CNMD: variants seen among roughly 807,000 people sequenced by gnomAD.
The protein encoded by CNMD is leukocyte cell-derived chemotaxin 1.
In CNMD, 30 loss-of-function variants were observed where a neutral mutation model predicts 37.5. The ratio of observed to expected loss-of-function variants is 0.80; its 90% CI spans 0.60 to 1.09. CNMD has a LOEUF of 1.09. CNMD is among the 50% of genes least tolerant of loss of function. The probability of loss-of-function intolerance (pLI) is 0.00; values close to 1 mark genes in which losing one functional copy is unlikely to be tolerated. For missense variants in CNMD, 398 were observed against 423.9 expected, an observed-to-expected ratio of 0.94 and a Z score of 0.54; for synonymous variants, 167 against 148.2, an observed-to-expected ratio of 1.13 and a Z score of -0.92.
At chr13:52,718,970 T>C (rs1385916779) in intron 4 of CNMD, among the ~76,000 whole-genome samples, 2 of 152,188 alleles carry the variant, frequency 1.3e-5, no homozygotes, top group East Asian at 3.9e-4. Context: ...TAAGTCTCTT[T>C]GTAGGTCTCT....
rs764889207 is a variant in CNMD, at chr13:52,739,050, C to T, written c.194G>A (p.Trp65Ter). ...ACTTACGTGACTGTCGCTCCCCTTCCAGAAGTAGAAGGCCCCGATGGCCCC... is the reference window on the plus strand; with the variant it reads ...ACTTACGTGACTGTCGCTCCCCTTCTAGAAGTAGAAGGCCCCGATGGCCCC... ...LFGAIGAFYF[W>*]KGSDSHIYNV... Residue 65 changes from tryptophan (W) to a stop codon, truncating the protein, a stop_gained, in exon 2 of 7, where the codon TGG becomes TAG. Coordinates refer to ENST00000377962, the MANE Select transcript of CNMD (RefSeq NM_007015.3). LOFTEE classifies it high-confidence loss of function. This position sits in a 1 kb window ranked among gnomAD's most constrained non-coding sequence, Gnocchi z 5.4. The T allele has an allele frequency of 6.3e-7, 1 of 1,580,544 alleles. No homozygotes were observed. Among genetic ancestry groups the T allele is most frequent in the Non-Finnish European group, 8.6e-7 (1 of 1,166,582 alleles).
rs1355338395 is a variant in CNMD at position 52,733,281 on chromosome 13, A to G, written c.292T>C (p.Leu98=). 6.2e-7 allele frequency: 1 copy of G among 1,613,986 alleles called. No individual in the cohort carries two copies. Among genetic ancestry groups the G allele is most frequent in the Admixed American group, 1.7e-5 (1 of 60,016 alleles). The change falls in exon 3 of 7, where the codon TTG becomes CTG. Residue 98 remains leucine, a synonymous_variant. Coordinates refer to ENST00000377962, the MANE Select transcript of CNMD (RefSeq NM_007015.3). ...GSMEIDAGNN[L]ETFKMGSGAE... is the part of the protein sequence containing the mutation. Reference sequence around the variant, plus strand: ...CCACTTCCCATTTTAAAGGTCTCCAAGTTGTTCCCAGCGTCTATTTCCATT... The same window carrying G: ...CCACTTCCCATTTTAAAGGTCTCCAGGTTGTTCCCAGCGTCTATTTCCATT...
At position 52,724,050 on chromosome 13, in the gene CNMD, CCTTCACTTGCG is replaced by C. The variant is rs1430316178; in HGVS notation, c.404_414del (p.Ala135GlyfsTer5). ...ACGGCGCCCACCTCAGGAATACGAG[CCTTCACTTGCG>C]CTTTAATGTAGCACTTCTCTCCTCC... On this transcript the variant is annotated frameshift_variant, in exon 4 of 7. Transcript: ENST00000377962. LOFTEE classifies it high-confidence loss of function. 1 of 1,614,102 alleles carries C rather than the reference CCTTCACTTGCG, an allele frequency of 6.2e-7. No homozygotes were observed. Among genetic ancestry groups the C allele is most frequent in the East Asian group, 2.2e-5 (1 of 44,876 alleles).
chr13:52,738,930 C>T lies in CNMD; in HGVS notation c.213+101G>A, dbSNP rs533492747. On this transcript the variant is annotated intron_variant, in intron 2 of 6. Transcript: ENST00000377962. The stretch of plus-strand genomic sequence containing the variant: ...GGGAGCTCACGCTGGGCCCGAGGGG[C>T]CCGCCGGCAGCCGCGCGCCCCTCGC... The T allele has an allele frequency of 3.4e-6, 4 of 1,181,144 alleles. No individual in the cohort carries two copies. In the East Asian group the frequency reaches 1.3e-4, roughly 39 times the overall value. The allele number at this position is 1,181,144 out of a possible 1,614,324, so 73.2% of individuals were successfully genotyped here.
At chr13:52,734,275 C>T (rs1014038659) in intron 2 of CNMD, among the ~76,000 whole-genome samples, 1 of 152,156 alleles carries the variant, frequency 6.6e-6, no homozygotes, top group Non-Finnish European at 1.5e-5. Context: ...CCGGGCATGG[C>T]CTAGAGGTGA....
At chr13:52,733,165 A>G in intron 3 of CNMD, 54 bp downstream of exon 3, 16 of 1,596,974 alleles carry the variant, frequency 1.0e-5, no homozygotes, top group Non-Finnish European at 1.4e-5. Flanking sequence ...TTGAATTAGA[A>G]AAGTCCCGCA....
At chr13:52,730,900 G>A (rs1012025035) in intron 3 of CNMD, among the ~76,000 whole-genome samples, 3 of 152,114 alleles carry the variant, frequency 2.0e-5, no homozygotes, top group East Asian at 1.9e-4. Flanking sequence ...AAATCTTGGT[G>A]GGGTCCTGGA....
At position 52,739,768 on chromosome 13, in the gene CNMD, C is replaced by G; in HGVS notation, c.-67G>C. The G allele has an allele frequency of 7.1e-7, 1 of 1,409,716 alleles. No homozygotes were observed. The highest frequency in any genetic ancestry group is 1.7e-5 in the Admixed American group (1 of 58,018). The allele number at this position is 1,409,716 out of a possible 1,614,324, so 87.3% of individuals were successfully genotyped here. On this transcript the variant is annotated 5_prime_UTR_variant, in exon 1 of 7. Coordinates refer to ENST00000377962, the MANE Select transcript of CNMD (RefSeq NM_007015.3). The surrounding 1 kb of genome is among the most constrained non-coding windows in gnomAD (Gnocchi z 5.4). Reference sequence around the variant, plus strand: ...CACCCTGGGATCTGTCCCGCTGCCCCGACGTGCAGGGCATTTCAACGCCGC... The same window carrying G: ...CACCCTGGGATCTGTCCCGCTGCCCGGACGTGCAGGGCATTTCAACGCCGC...
intron 3 of CNMD, among the ~76,000 whole-genome samples, chr13:52,726,756 A>G (rs1317185154): frequency 6.6e-6 from 1 of 152,190 alleles, no homozygotes; most frequent in Non-Finnish European, 1.5e-5. Flanking sequence ...AATCAAAAAC[A>G]AATTTATGAA....
chr13:52,707,487 C>T (rs541443980), intron 6 of CNMD, among the ~76,000 whole-genome samples: 1 of 151,998 alleles, frequency 6.6e-6, no homozygotes, highest in Admixed American at 6.6e-5. Flanking sequence ...GTGGCTCTAT[C>T]CTCTAACTGG....
chr13:52,704,158 A>C (rs986858749), intron 6 of CNMD, among the ~76,000 whole-genome samples: 16 of 152,226 alleles, frequency 1.1e-4, no homozygotes, highest in African/African-American at 3.9e-4. Flanking sequence ...CATTATGATA[A>C]AAAGTAGCAT....
intron 2 of CNMD, among the ~76,000 whole-genome samples, chr13:52,734,511 T>C (rs1431549506): frequency 6.6e-6 from 1 of 152,186 alleles, no homozygotes; most frequent in African/African-American, 2.4e-5. Flanking sequence ...ACGCTGCTCC[T>C]GCTCAGTGTG....
At chr13:52,725,239 A>G (rs2138257096) in intron 3 of CNMD, among the ~76,000 whole-genome samples, 1 of 152,300 alleles carries the variant, frequency 6.6e-6, no homozygotes, top group Non-Finnish European at 1.5e-5. Context: ...AAGCTTCTTG[A>G]GATCAGTATT....
chr13:52,704,381 C>T (rs896029440), intron 6 of CNMD, among the ~76,000 whole-genome samples: 2 of 152,152 alleles, frequency 1.3e-5, no homozygotes, highest in African/African-American at 4.8e-5. Flanking sequence ...TCTATAGGGA[C>T]AAAGGGGTCT....
At chr13:52,713,636 C>A (rs547445905) in intron 4 of CNMD, among the ~76,000 whole-genome samples, 3 of 152,212 alleles carry the variant, frequency 2.0e-5, no homozygotes, top group Non-Finnish European at 2.9e-5. Flanking sequence ...TGCATTAAAA[C>A]AACTTAAAGT....
intron 6 of CNMD, among the ~76,000 whole-genome samples, chr13:52,706,527 C>A (rs979237521): frequency 6.6e-6 from 1 of 152,126 alleles, no homozygotes; most frequent in Non-Finnish European, 1.5e-5. Context: ...TATCCTGTAA[C>A]AGTATTTGCA....
chr13:52,724,822 G>A (rs1460053921), intron 3 of CNMD, among the ~76,000 whole-genome samples: 3 of 152,150 alleles, frequency 2.0e-5, no homozygotes, highest in South Asian at 4.2e-4. Context: ...GCTTGAACCC[G>A]GGAGGTGGAG....
chr13:52,703,788 G>A lies in CNMD; in HGVS notation c.812C>T (p.Thr271Ile). 3.1e-6 allele frequency: 5 copies of A among 1,611,108 alleles called. No individual in the cohort carries two copies. The highest frequency in any genetic ancestry group is 4.2e-6 in the Non-Finnish European group (5 of 1,177,404). The change falls in exon 7 of 7, where the codon ACA becomes ATA. Residue 271 changes from threonine (T) to isoleucine (I), a missense_variant. Transcript: ENST00000377962. ...TTCGTGATCCAGTCTAGGGTCGAAT[G>A]TCATGCTTTCCCCTTCCTGCTGCTG... ...PYHQQEGESM[T>I]FDPRLDHEGI...
intron 4 of CNMD, among the ~76,000 whole-genome samples, chr13:52,715,618 C>T (rs567237236): frequency 1.2e-4 from 18 of 152,234 alleles, no homozygotes; most frequent in African/African-American, 4.3e-4. Flanking sequence ...TTTTCTGTTC[C>T]TGTGTTACTT....
Sources: gnomAD v4.1 joint callset for allele counts (sites outside exome capture counted in the v4.1 genomes callset) on GRCh38, gnomAD v4.1.1 for gene constraint, Gnocchi (gnomAD v3.1) non-coding constraint, MANE v1.5 for transcripts, NCBI Gene and HGNC (gene_info 2026-07-23, HGNC 2026-07-21) for gene names.